The following MMP13 variants were observed in gnomAD, a reference collection of about 807,000 sequenced individuals.
MMP13 encodes the protein collagenase 3.
Under a neutral mutation model 52.1 loss-of-function variants are expected in MMP13, and 45 were observed. The observed-to-expected ratio is 0.86, with a 90% CI of 0.68 to 1.11. The LOEUF (loss-of-function observed/expected upper bound fraction) is 1.11, where lower values mean the gene tolerates loss of function less well. Among genes scored for constraint, MMP13 ranks in the 50% least tolerant of loss-of-function variants. MMP13 has a pLI of 0.00. For missense variants in MMP13, 576 were observed against 583.8 expected (o/e 0.99, Z 0.14); for synonymous variants, 200 against 204.4 (o/e 0.98, Z 0.18).
At chr11:102,947,851 G>A (rs782260655) in intron 8 of MMP13, 40 bp downstream of exon 8, 26 of 1,611,148 alleles carry the variant, frequency 1.6e-5, no homozygotes, top group South Asian at 1.3e-4. Context: ...GGCACTTTGC[G>A]GCTATGACAC....
rs1476509683 is a variant in MMP13 at position 102,954,220 on chromosome 11, A to C, written c.573T>G (p.Pro191=). 1.2e-6 allele frequency: 2 copies of C among 1,613,696 alleles called. No homozygotes were observed. Among genetic ancestry groups the C allele is most frequent in the South Asian group, 2.2e-5 (2 of 91,078 alleles). The part of the protein sequence containing the change: ...PSGLLAHAFP[P]GPNYGGDAHF... ...GGGCATCTCCTCCATAATTTGGCCC[A>C]GGAGGAAAAGCATGAGCCAGCAGGC... Residue 191 remains proline, a synonymous_variant, in exon 4 of 10, where the codon CCT becomes CCG. Transcript: ENST00000260302.
At chr11:102,954,651 G>A in intron 2 of MMP13, 45 bp from the exon 3 acceptor site, 2 of 1,561,066 alleles carry the variant, frequency 1.3e-6, no homozygotes, top group Non-Finnish European at 1.8e-6. Context: ...GAAAGTGACA[G>A]CTATTTTAGA....
At chr11:102,951,468 C>G (rs1485129322) in intron 5 of MMP13, among the ~76,000 whole-genome samples, 1 of 152,072 alleles carries the variant, frequency 6.6e-6, no homozygotes, top group Non-Finnish European at 1.5e-5. Flanking sequence ...GAGTTATAGT[C>G]TGCAAAAATT....
chr11:102,949,976 T>G lies in MMP13; in HGVS notation c.917+134A>C. 2.6e-6 allele frequency: 2 copies of G among 770,464 alleles called. No homozygotes were observed. Among genetic ancestry groups the G allele is most frequent in the Admixed American group, 1.8e-5 (1 of 55,894 alleles). 47.7% of individuals were successfully genotyped at this position (770,464 alleles called of 1,614,324 possible). The stretch of plus-strand genomic sequence containing the variant: ...TCAGTCATTTATTTGATCTGAAATA[T>G]GTAAATAAACTGCCTGCCCATTTTT... On this transcript the variant is annotated intron_variant, in intron 6 of 9. Coordinates refer to ENST00000260302, the MANE Select transcript of MMP13 (RefSeq NM_002427.4). This position sits in a 1 kb window ranked among gnomAD's most constrained non-coding sequence, Gnocchi z 4.2.
Position 102,944,350 on chromosome 11 carries a change from G to GA in MMP13, c.1331dup (p.Asn445GlnfsTer7), listed in dbSNP as rs782717273. The stretch of plus-strand genomic sequence containing the variant: ...TGTATTCAAACTGTATGGGTCCGTT[G>GA]AAAAAATAGATATAACCTATAAGAA... On this transcript the variant is annotated frameshift_variant, in exon 10 of 10. Transcript: ENST00000260302. LOFTEE classifies it high-confidence loss of function. 3.1e-6 allele frequency: 5 copies of GA among 1,608,810 alleles called. No homozygotes were observed. The highest frequency in any genetic ancestry group is 3.4e-6 in the Non-Finnish European group (4 of 1,175,742).
At position 102,952,304 on chromosome 11, in the gene MMP13, C is replaced by T. The variant is rs939216906; in HGVS notation, c.638-131G>A. On this transcript the variant is annotated intron_variant, in intron 4 of 9. Coordinates refer to ENST00000260302, the MANE Select transcript of MMP13 (RefSeq NM_002427.4). The surrounding 1 kb of genome is among the most constrained non-coding windows in gnomAD (Gnocchi z 4.3). The stretch of plus-strand genomic sequence containing the variant: ...CTTTCTTTTCTCTTTCTTCAGTCTC[C>T]TACTTTTTAAAATCAATATTCAGTT... The T allele has an allele frequency of 6.2e-6, 6 of 971,926 alleles. No individual in the cohort carries two copies. In the African/African-American group the frequency reaches 6.6e-5, roughly 11 times the overall value. The allele number at this position is 971,926 out of a possible 1,614,324, so 60.2% of individuals were successfully genotyped here. A position where few individuals can be genotyped will look rare whatever the true frequency, so the allele number is the denominator to read the frequency against.
rs1860634580 is a variant in MMP13 at position 102,952,885 on chromosome 11, A to G, written c.638-712T>C. 6.6e-6 allele frequency among the ~76,000 whole-genome samples: 1 copy of G among 152,142 alleles called. No individual in the cohort carries two copies. The highest frequency in any genetic ancestry group is 1.5e-5 in the Non-Finnish European group (1 of 68,014). ...CAAACTGGAAAAAAGAAAATAAAAA[A>G]CTAAAAGAAAAATAAGAAGTGCAAG... On this transcript the variant is annotated intron_variant, in intron 4 of 9. Coordinates refer to ENST00000260302, the MANE Select transcript of MMP13 (RefSeq NM_002427.4). The surrounding 1 kb of genome is among the most constrained non-coding windows in gnomAD (Gnocchi z 4.3).
Position 102,952,277 on chromosome 11 carries a change from T to A in MMP13, c.638-104A>T. On this transcript the variant is annotated intron_variant, in intron 4 of 9. Coordinates refer to ENST00000260302, the MANE Select transcript of MMP13 (RefSeq NM_002427.4). The surrounding 1 kb of genome is among the most constrained non-coding windows in gnomAD (Gnocchi z 4.3). ...CTGGTATGTTTCTTTCTTGGCTATA[T>A]ACTTTCTTTTCTCTTTCTTCAGTCT... 7.6e-7 allele frequency: 1 copy of A among 1,312,208 alleles called. No individual in the cohort carries two copies. The highest frequency in any genetic ancestry group is 1.1e-6 in the Non-Finnish European group (1 of 925,794). 81.3% of individuals were successfully genotyped at this position (1,312,208 alleles called of 1,614,324 possible).
Position 102,952,693 on chromosome 11 carries a change from A to G in MMP13, c.638-520T>C, listed in dbSNP as rs918635754. ...ACTCTTGGGAGCAAATTCCAACCAA[A>G]TGATTTTTTCCAGAATGTCTCTAGA... is the stretch of plus-strand genomic sequence containing the variant. On this transcript the variant is annotated intron_variant, in intron 4 of 9. Transcript: ENST00000260302. The surrounding 1 kb of genome is among the most constrained non-coding windows in gnomAD (Gnocchi z 4.3). Among the ~76,000 whole-genome samples the G allele has an allele frequency of 5.3e-5, 8 of 152,076 alleles. No homozygotes were observed. Among genetic ancestry groups the G allele is most frequent in the African/African-American group, 1.9e-4 (8 of 41,402 alleles).
rs1277187263 is a variant in MMP13 at position 102,949,649 on chromosome 11, A to G, written c.917+461T>C. ...GGATCAATGAATGAATGAATAAACA[A>G]GCATACTGGAACAGTGTAGAAATTA... On this transcript the variant is annotated intron_variant, in intron 6 of 9. Coordinates refer to ENST00000260302, the MANE Select transcript of MMP13 (RefSeq NM_002427.4). The surrounding 1 kb of genome is among the most constrained non-coding windows in gnomAD (Gnocchi z 4.2). Among the ~76,000 whole-genome samples the G allele has an allele frequency of 6.6e-6, 1 of 152,212 alleles. No individual in the cohort carries two copies. Among genetic ancestry groups the G allele is most frequent in the Non-Finnish European group, 1.5e-5 (1 of 68,040 alleles).
At position 102,944,220 on chromosome 11, in the gene MMP13, C is replaced by T; in HGVS notation, c.*46G>A. The T allele has an allele frequency of 1.4e-6, 2 of 1,440,620 alleles. No homozygotes were observed. Among genetic ancestry groups the T allele is most frequent in the East Asian group, 4.6e-5 (2 of 43,784 alleles). The allele number at this position is 1,440,620 out of a possible 1,614,324, so 89.2% of individuals were successfully genotyped here. A position where few individuals can be genotyped will look rare whatever the true frequency, so the allele number is the denominator to read the frequency against. ...CTACCCCGCACTTCTGGAAGTATTA[C>T]CCCAAATGCTCTTCAGGATTTAAAT... On this transcript the variant is annotated 3_prime_UTR_variant, in exon 10 of 10. Transcript: ENST00000260302.
At chr11:102,946,885 A>G (rs560425371) in intron 8 of MMP13, among the ~76,000 whole-genome samples, 1 of 152,124 alleles carries the variant, frequency 6.6e-6, no homozygotes, top group Non-Finnish European at 1.5e-5. Context: ...GCGGGTATGC[A>G]TGTGTGTGTG....
Position 102,954,495 on chromosome 11 carries a change from A to C in MMP13, c.474T>G (p.Asp158Glu). ...AAGAGATCATGATGTCAGCAATGCC[A>C]TCGTGAAGTCTGGTAAAATTCAGAG... ...VTPLNFTRLH[D>E]GIADIMISFG... Residue 158 changes from aspartate to glutamate, a missense_variant, in exon 3 of 10, where the codon GAT becomes GAG. Physicochemically the swap from Asp to Glu is conservative, Grantham distance 45. Transcript: ENST00000260302. 4 of 1,613,722 alleles carry C rather than the reference A, an allele frequency of 2.5e-6. No homozygotes were observed. The highest frequency in any genetic ancestry group is 1.7e-4 in the Middle Eastern group (1 of 6,056).
At chr11:102,945,455 T>C (rs1280592540) in intron 9 of MMP13, among the ~76,000 whole-genome samples, 191 bp downstream of exon 9, 2 of 152,154 alleles carry the variant, frequency 1.3e-5, no homozygotes, top group Non-Finnish European at 2.9e-5. Context: ...TTAAGTAAAA[T>C]TCTTATTTAT....
intron 7 of MMP13, among the ~76,000 whole-genome samples, 171 bp from the exon 8 acceptor site, chr11:102,948,221 CA>C (rs550533738): frequency 6.6e-6 from 1 of 151,822 alleles, no homozygotes; most frequent in Non-Finnish European, 1.5e-5. Flanking sequence ...ATTCTTGAAA[CA>C]AAAAAATAAA....
chr11:102,947,477 A>G (rs1318875875), intron 8 of MMP13, among the ~76,000 whole-genome samples: 3 of 152,100 alleles, frequency 2.0e-5, no homozygotes, highest in Non-Finnish European at 4.4e-5. Context: ...GAGACACAAG[A>G]CATGAGAATT....
chr11:102,950,351 T>C lies in MMP13; in HGVS notation c.800-124A>G, dbSNP rs959953963. 3.1e-5 allele frequency: 25 copies of C among 809,834 alleles called. No homozygotes were observed. In the Admixed American group the frequency reaches 3.9e-4, roughly 13 times the overall value. The allele number at this position is 809,834 out of a possible 1,614,324, so 50.2% of individuals were successfully genotyped here. On this transcript the variant is annotated intron_variant, in intron 5 of 9. Coordinates refer to ENST00000260302, the MANE Select transcript of MMP13 (RefSeq NM_002427.4). ...GGGTTTCTCCAGGAAAAGCTGTAGG[T>C]CCTGGGGCTCCTACATCATGGTGCA...
At position 102,955,104 on chromosome 11, in the gene MMP13, A is replaced by G; in HGVS notation, c.362+148T>C. 1 of 818,054 alleles carries G rather than the reference A, an allele frequency of 1.2e-6. No individual in the cohort carries two copies. The highest frequency in any genetic ancestry group is 1.9e-6 in the Non-Finnish European group (1 of 516,830). 50.7% of individuals were successfully genotyped at this position (818,054 alleles called of 1,614,324 possible). A position where few individuals can be genotyped will look rare whatever the true frequency, so the allele number is the denominator to read the frequency against. On this transcript the variant is annotated intron_variant, in intron 2 of 9. Coordinates refer to ENST00000260302, the MANE Select transcript of MMP13 (RefSeq NM_002427.4). The surrounding 1 kb of genome is among the most constrained non-coding windows in gnomAD (Gnocchi z 4.9). ...ATAATGCTGAGTTAATGTAACAATA[A>G]TAGATGTTATGAGGTATTCTCGGCA...
At position 102,949,921 on chromosome 11, in the gene MMP13, T is replaced by C. The variant is rs1007929799; in HGVS notation, c.917+189A>G. Among the ~76,000 whole-genome samples, 2 of 152,176 alleles carry C rather than the reference T, an allele frequency of 1.3e-5. No individual in the cohort carries two copies. The highest frequency in any genetic ancestry group is 2.9e-5 in the Non-Finnish European group (2 of 68,016). On this transcript the variant is annotated intron_variant, in intron 6 of 9. Coordinates refer to ENST00000260302, the MANE Select transcript of MMP13 (RefSeq NM_002427.4). The surrounding 1 kb of genome is among the most constrained non-coding windows in gnomAD (Gnocchi z 4.2). Reference sequence around the variant, plus strand: ...AAAAGGAAGCTACACAATGTCAAGGTTATACGTTGAAAAGTAAAACATTTA... The same window carrying C: ...AAAAGGAAGCTACACAATGTCAAGGCTATACGTTGAAAAGTAAAACATTTA...
Sources: gnomAD v4.1 joint callset for allele counts (sites outside exome capture counted in the v4.1 genomes callset) on GRCh38, gnomAD v4.1.1 for gene constraint, Gnocchi (gnomAD v3.1) non-coding constraint, MANE v1.5 for transcripts, NCBI Gene and HGNC (gene_info 2026-07-23, HGNC 2026-07-21) for gene names.